Variants in SLC41A2 observed in about 807,000 individuals in gnomAD.
SLC41A2 encodes solute carrier family 41 member 2.
Under a neutral mutation model 58.3 loss-of-function variants are expected in SLC41A2, and 32 were observed. The observed-to-expected ratio is 0.55, with a 90% confidence interval of 0.41 to 0.74. SLC41A2 has a LOEUF of 0.74. Ranked by LOEUF, SLC41A2 falls within the 30% of genes least tolerant of loss-of-function variation. The pLI, the probability that SLC41A2 is intolerant of heterozygous loss-of-function variation, is 0.00. For missense variants in SLC41A2, 514 were observed against 680.6 expected (o/e 0.76, Z 2.72); for synonymous variants, 190 against 235.0 (o/e 0.81, Z 1.75).
rs1321817757 is a variant in SLC41A2 at position 104,804,608 on chromosome 12, T to C, written c.*544A>G. On this transcript the variant is annotated 3_prime_UTR_variant, in exon 11 of 11. Coordinates refer to ENST00000258538, the MANE Select transcript of SLC41A2 (RefSeq NM_001352171.3). ...TTTTAGATGGAGGTAAAAGTGAGTT[T>C]ATCTTATGCTCAGCAAAACATATTT... is the stretch of plus-strand genomic sequence containing the variant. 8 of 152,326 alleles carry C rather than the reference T, an allele frequency of 5.3e-5. No homozygotes were observed. Among genetic ancestry groups the C allele is most frequent in the Admixed American group, 5.2e-4 (8 of 15,274 alleles). 9.4% of individuals were successfully genotyped at this position (152,326 alleles called of 1,614,324 possible). A position where few individuals can be genotyped will look rare whatever the true frequency, so the allele number is the denominator to read the frequency against.
At chr12:104,830,941 G>A (rs565962635) in intron 10 of SLC41A2, among the ~76,000 whole-genome samples, 3 of 152,264 alleles carry the variant, frequency 2.0e-5, no homozygotes, top group Non-Finnish European at 2.9e-5. Flanking sequence ...TGTAGTTTGT[G>A]TCTGGCTTCT....
intron 7 of SLC41A2, among the ~76,000 whole-genome samples, chr12:104,861,774 A>G (rs1162413028): frequency 1.3e-5 from 2 of 152,230 alleles, no homozygotes; most frequent in Non-Finnish European, 2.9e-5. Flanking sequence ...GATCACTCTT[A>G]TAATTTAAAA....
chr12:104,873,982 C>T (rs1232372106), intron 6 of SLC41A2, among the ~76,000 whole-genome samples: 1 of 151,832 alleles, frequency 6.6e-6, no homozygotes, highest in Non-Finnish European at 1.5e-5. Context: ...GATGCCTTTT[C>T]CTTTTCACTT....
chr12:104,952,284 GA>G (rs1317736237), intron 1 of SLC41A2, among the ~76,000 whole-genome samples: 1 of 152,184 alleles, frequency 6.6e-6, no homozygotes, highest in East Asian at 1.9e-4. Flanking sequence ...CTAGTTGCCA[GA>G]GACTCAATGT....
At position 104,805,070 on chromosome 12, in the gene SLC41A2, A is replaced by G. The variant is rs555816520; in HGVS notation, c.*82T>C. On this transcript the variant is annotated 3_prime_UTR_variant, in exon 11 of 11. Coordinates refer to ENST00000258538, the MANE Select transcript of SLC41A2 (RefSeq NM_001352171.3). ...TACCCTGGCAAAAGTCAAACTACTG[A>G]TTTAAGAGTTTTGAAAAAGAGCCAT... 57 of 1,244,836 alleles carry G rather than the reference A, an allele frequency of 4.6e-5. No individual in the cohort carries two copies. Among genetic ancestry groups the G allele is most frequent in the South Asian group, 3.6e-4 (21 of 58,088 alleles). 77.1% of individuals were successfully genotyped at this position (1,244,836 alleles called of 1,614,324 possible).
At chr12:104,898,167 G>A (rs766939614) in intron 3 of SLC41A2, among the ~76,000 whole-genome samples, 1 of 152,080 alleles carries the variant, frequency 6.6e-6, no homozygotes, top group Non-Finnish European at 1.5e-5. Context: ...TAATTTTTTA[G>A]GAAAGAGTAG....
intron 2 of SLC41A2, among the ~76,000 whole-genome samples, chr12:104,915,846 A>C (rs1440687890): frequency 5.3e-5 from 8 of 152,176 alleles, no homozygotes; most frequent in South Asian, 2.1e-4. Context: ...CTGTCTTGTG[A>C]CACTTTTCAA....
chr12:104,930,935 G>A (rs1271852387), intron 1 of SLC41A2, among the ~76,000 whole-genome samples: 1 of 152,216 alleles, frequency 6.6e-6, no homozygotes, highest in African/African-American at 2.4e-5. Flanking sequence ...TCATACTTTT[G>A]CTCCTAGTAT....
intron 10 of SLC41A2, among the ~76,000 whole-genome samples, chr12:104,831,368 T>A (rs1018861727): frequency 6.6e-6 from 1 of 152,136 alleles, no homozygotes; most frequent in Admixed American, 6.5e-5. Flanking sequence ...TGAGCCACCA[T>A]GACCTGCCAA....
chr12:104,887,425 A>G (rs897527720), intron 5 of SLC41A2, among the ~76,000 whole-genome samples: 4 of 151,918 alleles, frequency 2.6e-5, no homozygotes, highest in African/African-American at 4.8e-5. Flanking sequence ...TACTCTACCT[A>G]TTAAAGCCAA....
chr12:104,940,162 C>A (rs1212189419), intron 1 of SLC41A2, among the ~76,000 whole-genome samples: 1 of 151,858 alleles, frequency 6.6e-6, no homozygotes, highest in East Asian at 1.9e-4. Flanking sequence ...TACAAGCATG[C>A]ACCACCACCC....
intron 6 of SLC41A2, among the ~76,000 whole-genome samples, chr12:104,877,856 C>T (rs995376039): frequency 2.0e-5 from 3 of 151,736 alleles, no homozygotes; most frequent in African/African-American, 2.4e-5. Flanking sequence ...AAAAATTAGC[C>T]GGGCATGGTA....
rs548939582 is a variant in SLC41A2, at chr12:104,856,567, CA to C, written c.1255+4723del. 2.0e-5 allele frequency among the ~76,000 whole-genome samples: 3 copies of C among 152,090 alleles called. No homozygotes were observed. In the South Asian group the frequency reaches 6.2e-4, roughly 32 times the overall value. ...GGTGACTTGGGATAAAAAACTTGTG[CA>C]CATTTGTAAGCTAAAGGGAAAAGAT... On this transcript the variant is annotated intron_variant, in intron 8 of 10. Coordinates refer to ENST00000258538, the MANE Select transcript of SLC41A2 (RefSeq NM_001352171.3).
At chr12:104,940,218 G>A (rs1387334654) in intron 1 of SLC41A2, among the ~76,000 whole-genome samples, 1 of 151,856 alleles carries the variant, frequency 6.6e-6, no homozygotes, top group African/African-American at 2.4e-5. Context: ...CTCCATGTGG[G>A]TCAGGCTGGT....
At position 104,859,230 on chromosome 12, in the gene SLC41A2, G is replaced by A. The variant is rs540873933; in HGVS notation, c.1255+2061C>T. ...TACAGAGGGCCTTGAAAGCTAGGCA[G>A]AAGAATTCAAATTTGATCTGATAGG... On this transcript the variant is annotated intron_variant, in intron 8 of 10. Transcript: ENST00000258538. Among the ~76,000 whole-genome samples the A allele has an allele frequency of 1.4e-4, 21 of 152,274 alleles. No individual in the cohort carries two copies. The South Asian group carries it at 4.3e-3, about 32-fold the overall frequency.
chr12:104,952,108 C>T (rs1414017164), intron 1 of SLC41A2, among the ~76,000 whole-genome samples: 1 of 152,018 alleles, frequency 6.6e-6, no homozygotes, highest in Non-Finnish European at 1.5e-5. Flanking sequence ...AACATGATTT[C>T]AACTGAGAAA....
chr12:104,861,585 T>C (rs957129783), intron 7 of SLC41A2, among the ~76,000 whole-genome samples: 3 of 152,210 alleles, frequency 2.0e-5, no homozygotes, highest in African/African-American at 7.2e-5. Flanking sequence ...TTCAGAATTC[T>C]GATGTCTAAG....
intron 1 of SLC41A2, among the ~76,000 whole-genome samples, chr12:104,946,256 C>T (rs944762199): frequency 2.0e-5 from 3 of 151,974 alleles, no homozygotes; most frequent in African/African-American, 4.8e-5. Flanking sequence ...TTCAATCAGG[C>T]ACTTTCTTTT....
intron 1 of SLC41A2, among the ~76,000 whole-genome samples, chr12:104,946,295 C>G (rs888360839): frequency 3.9e-5 from 6 of 152,100 alleles, no homozygotes; most frequent in Non-Finnish European, 7.4e-5. Flanking sequence ...GACATTGTCT[C>G]ACTCTATTGC....
Sources: allele counts gnomAD v4.1 joint callset (sites outside exome capture counted in the v4.1 genomes callset), GRCh38; gene constraint gnomAD v4.1.1; transcripts MANE v1.5; gene names NCBI Gene and HGNC (gene_info 2026-07-23, HGNC 2026-07-21).